MSRA: variants seen among roughly 807,000 people sequenced by gnomAD.
MSRA encodes the protein methionine sulfoxide reductase A.
MSRA carries 54 observed loss-of-function variants against 31.3 expected under a neutral mutation model. The observed-to-expected ratio is 1.73, with a 90% confidence interval of 1.39 to 2.17. MSRA has a LOEUF of 2.17. Among genes scored for constraint, MSRA ranks in the 30% most tolerant of loss-of-function variants. MSRA has a pLI of 0.00. For synonymous variants in MSRA, 169 were observed against 116.5 expected (o/e 1.45, Z -2.90); for missense variants, 507 against 300.9 (o/e 1.69, Z -5.07).
intron 1 of MSRA, among the ~76,000 whole-genome samples, chr8:10,167,158 A>C (rs1585076879): frequency 6.6e-6 from 1 of 152,284 alleles, no homozygotes; most frequent in East Asian, 1.9e-4. Context: ...CCAGGAATTA[A>C]AATGTTTTGT....
intron 2 of MSRA, among the ~76,000 whole-genome samples, chr8:10,212,384 C>G (rs1397008013): frequency 6.6e-6 from 1 of 151,736 alleles, no homozygotes; most frequent in East Asian, 1.9e-4. Flanking sequence ...CGTATTGCAC[C>G]AAGAATAATA....
At chr8:10,157,908 C>T (rs1804292455) in intron 1 of MSRA, among the ~76,000 whole-genome samples, 1 of 152,108 alleles carries the variant, frequency 6.6e-6, no homozygotes. Context: ...TTAATGTGTA[C>T]AGTTCAATGG....
Position 10,326,983 on chromosome 8 carries a change from C to A in MSRA, c.543+6994C>A, listed in dbSNP as rs1198560800. Among the ~76,000 whole-genome samples, 4 of 152,126 alleles carry A rather than the reference C, an allele frequency of 2.6e-5. No individual in the cohort carries two copies. In the East Asian group the frequency reaches 7.7e-4, roughly 29 times the overall value. On this transcript the variant is annotated intron_variant, in intron 5 of 5. Coordinates refer to ENST00000317173, the MANE Select transcript of MSRA (RefSeq NM_012331.5). ...ATGTTTCTTGAAATGTGAAAGACAG[C>A]AAATCTAAAGAGCATTCTCCTGGCC...
At chr8:10,386,162 T>C (rs747908264) in intron 5 of MSRA, among the ~76,000 whole-genome samples, 10 of 152,324 alleles carry the variant, frequency 6.6e-5, no homozygotes, top group South Asian at 6.2e-4. Flanking sequence ...TTAATTCTTA[T>C]GCAGTTCTCT....
chr8:10,412,097 C>A (rs748024978), intron 5 of MSRA, among the ~76,000 whole-genome samples: 2 of 152,116 alleles, frequency 1.3e-5, no homozygotes, highest in Non-Finnish European at 2.9e-5. Flanking sequence ...AGGCAAGGGC[C>A]GTATTAACAT....
At chr8:10,129,069 A>G (rs568921096) in intron 1 of MSRA, among the ~76,000 whole-genome samples, 3 of 152,294 alleles carry the variant, frequency 2.0e-5, no homozygotes, top group South Asian at 2.1e-4. Context: ...TCGCAGTTCT[A>G]TTTTATGCAA....
intron 1 of MSRA, among the ~76,000 whole-genome samples, chr8:10,176,780 C>G (rs1194078550): frequency 7.2e-5 from 11 of 152,200 alleles, no homozygotes; most frequent in Admixed American, 7.2e-4. Flanking sequence ...AGAGCAGAAC[C>G]TAGTCCCCAC....
chr8:10,161,655 G>A (rs1203736432), intron 1 of MSRA, among the ~76,000 whole-genome samples: 1 of 152,138 alleles, frequency 6.6e-6, no homozygotes, highest in Non-Finnish European at 1.5e-5. Context: ...AAGTGAGAAC[G>A]TGGTGAGCTG....
intron 1 of MSRA, among the ~76,000 whole-genome samples, chr8:10,133,880 G>C (rs562629034): frequency 1.1e-4 from 16 of 152,152 alleles, no homozygotes; most frequent in Non-Finnish European, 5.9e-5. Flanking sequence ...GCCCAGGCTG[G>C]AGTGCAGTGT....
intron 4 of MSRA, among the ~76,000 whole-genome samples, chr8:10,307,066 G>A (rs17151675): frequency 0.14 from 21,495 of 152,000 alleles, 1,722 homozygotes; most frequent in African/African-American, 0.21. Flanking sequence ...TGTTAGTGGC[G>A]GTATTTGGAT....
At chr8:10,085,155 G>T (rs913920159) in intron 1 of MSRA, among the ~76,000 whole-genome samples, 1 of 152,182 alleles carries the variant, frequency 6.6e-6, no homozygotes, top group African/African-American at 2.4e-5. Flanking sequence ...CTAGCCTGGG[G>T]CTCTTCCTGC....
chr8:10,226,705 A>ATGTT (rs113012077), intron 2 of MSRA, among the ~76,000 whole-genome samples: 131 of 152,058 alleles, frequency 8.6e-4, no homozygotes, highest in Admixed American at 1.9e-3. Context: ...GTATATATAT[A>ATGTT]TGTTTGTTTG....
chr8:10,266,611 T>C (rs1798761471), intron 3 of MSRA, among the ~76,000 whole-genome samples: 1 of 152,184 alleles, frequency 6.6e-6, no homozygotes, highest in Admixed American at 6.5e-5. Context: ...CTATCGGTTT[T>C]TTTTTTTATG....
At chr8:10,119,200 T>C (rs998643702) in intron 1 of MSRA, among the ~76,000 whole-genome samples, 6 of 152,242 alleles carry the variant, frequency 3.9e-5, no homozygotes, top group African/African-American at 1.4e-4. Context: ...TTAACTCCAT[T>C]ATCTGGGATA....
At chr8:10,124,731 C>T (rs758781426) in intron 1 of MSRA, among the ~76,000 whole-genome samples, 1 of 151,948 alleles carries the variant, frequency 6.6e-6, no homozygotes, top group Admixed American at 6.6e-5. Flanking sequence ...ATCTATTATT[C>T]GAGGATGCAG....
chr8:10,188,294 G>C (rs898735211), intron 1 of MSRA, among the ~76,000 whole-genome samples: 3 of 152,148 alleles, frequency 2.0e-5, no homozygotes, highest in Admixed American at 6.5e-5. Flanking sequence ...TATCACATTT[G>C]TGGATTTGTG....
At chr8:10,169,970 C>T (rs559703159) in intron 1 of MSRA, among the ~76,000 whole-genome samples, 2 of 140,970 alleles carry the variant, frequency 1.4e-5, no homozygotes, top group South Asian at 2.2e-4. Flanking sequence ...GGCTAGAGTA[C>T]AGTGACGCAA....
intron 5 of MSRA, among the ~76,000 whole-genome samples, chr8:10,387,678 G>A (rs1806478653): frequency 6.6e-6 from 1 of 152,200 alleles, no homozygotes; most frequent in Non-Finnish European, 1.5e-5. Context: ...CCCAAGTAAT[G>A]TCTCGGAGCT....
chr8:10,217,512 A>G (rs567575301), intron 2 of MSRA, among the ~76,000 whole-genome samples: 1 of 152,238 alleles, frequency 6.6e-6, no homozygotes, highest in Non-Finnish European at 1.5e-5. Flanking sequence ...TGAGTTTTAA[A>G]AGGTATTTGT....
Sources: allele counts gnomAD v4.1 joint callset (sites outside exome capture counted in the v4.1 genomes callset), GRCh38; gene constraint gnomAD v4.1.1; transcripts MANE v1.5; gene names NCBI Gene and HGNC (gene_info 2026-07-23, HGNC 2026-07-21).